FAT2: variants seen among roughly 807,000 people sequenced by gnomAD.
The protein encoded by FAT2 is protocadherin Fat 2.
A neutral mutation model predicts 295.3 loss-of-function variants in FAT2; 150 were observed. The ratio of observed to expected loss-of-function variants is 0.51; its 90% CI spans 0.44 to 0.58. The LOEUF (loss-of-function observed/expected upper bound fraction) is 0.58. FAT2 is among the 20% of genes least tolerant of loss of function. The pLI is 0.00. For synonymous variants in FAT2, 2,026 were observed against 2,150.3 expected (o/e 0.94, Z 1.60); for missense variants, 4,868 against 5,442.7 (o/e 0.89, Z 3.32).
At chr5:151,527,868 G>C in intron 16 of FAT2, 128 bp downstream of exon 16, 1 of 1,265,314 alleles carries the variant, frequency 7.9e-7, no homozygotes. Flanking sequence ...AAACAAGTGA[G>C]AGACATTCTG....
rs574532520 is a variant in FAT2, at chr5:151,566,798, G to A, written c.2134C>T (p.Pro712Ser). ...LSTYQINHYTPQFEDHFPQSI... is the reference protein window; with the variant it reads ...LSTYQINHYTSQFEDHFPQSI... ...TGGGGGAAGTGGTCCTCAAACTGTGGGGTGTAATGATTAATCTGATATGTG... is the reference window on the plus strand; with the variant it reads ...TGGGGGAAGTGGTCCTCAAACTGTGAGGTGTAATGATTAATCTGATATGTG... Residue 712 changes from proline to serine, a missense_variant, in exon 2 of 24, where the codon CCA becomes TCA. This residue lies in a region of FAT2 where 3,297 missense variants were observed against 3,669.4 expected (regional missense o/e 0.90). Coordinates refer to ENST00000261800, the MANE Select transcript of FAT2 (RefSeq NM_001447.3). 6.8e-6 allele frequency: 11 copies of A among 1,614,178 alleles called. No homozygotes were observed. The East Asian group carries it at 1.6e-4, about 23-fold the overall frequency.
In FAT2 at chr5:151,568,326, C is replaced by G; in HGVS notation, c.606G>C (p.Val202=). The change falls in exon 2 of 24, where the codon GTG becomes GTC. Residue 202 remains valine, a synonymous_variant. Transcript: ENST00000261800. ...CGTTAAGCTTCCCAGCCACAGTGAC[C>G]ACACCGCTGGTGGGATGGATGGCAA... ...EMFAIHPTSG[V]VTVAGKLNVT... 1.2e-6 allele frequency: 2 copies of G among 1,614,190 alleles called. No homozygotes were observed. Among genetic ancestry groups the G allele is most frequent in the Non-Finnish European group, 1.7e-6 (2 of 1,180,014 alleles).
intron 1 of FAT2, among the ~76,000 whole-genome samples, chr5:151,584,331 C>G (rs758980932): frequency 6.6e-6 from 1 of 152,132 alleles, no homozygotes; most frequent in Non-Finnish European, 1.5e-5. Flanking sequence ...CACAGGGTTC[C>G]CAGGCTTAGC....
Position 151,543,872 on chromosome 5 carries a change from G to C in FAT2, c.7255C>G (p.Leu2419Val). ...AAGTGCCTGTCCTGATTGCCAGAAA[G>C]AATCAGGTACTCCAGGCGGGAGGTG... ...RDTSRLEYLI[L>V]SGNQDRHFFI... Residue 2419 changes from leucine to valine, a missense_variant, in exon 10 of 24, where the codon CTT (leucine) becomes GTT (valine). Transcript: ENST00000261800. 6.2e-7 allele frequency: 1 copy of C among 1,614,178 alleles called. No homozygotes were observed. Among genetic ancestry groups the C allele is most frequent in the Non-Finnish European group, 8.5e-7 (1 of 1,180,032 alleles).
chr5:151,528,614 T>C (rs1024022453), intron 15 of FAT2, among the ~76,000 whole-genome samples: 2 of 151,902 alleles, frequency 1.3e-5, no homozygotes, highest in Admixed American at 6.6e-5. Context: ...GCAGACGATG[T>C]TTTGGGGAAA....
Position 151,505,591 on chromosome 5 carries a change from C to G in FAT2, c.13024G>C (p.Gly4342Arg). ...TAGAACATGACCTCCTCACAGCTGC[C>G]ATAATCACTCTCCACCATGTCAGAG... ...EGSDMVESDY[G>R]SCEEVMF The change falls in exon 24 of 24, where the codon GGC becomes CGC. Residue 4342 changes from glycine to arginine, a missense_variant. By Grantham distance (125) the Gly-to-Arg change is moderately radical. This residue lies in a region of FAT2 where 492 missense variants were observed against 482.6 expected (regional missense o/e 1.02). Coordinates refer to ENST00000261800, the MANE Select transcript of FAT2 (RefSeq NM_001447.3). 1.9e-6 allele frequency: 3 copies of G among 1,614,184 alleles called. No individual in the cohort carries two copies. Among genetic ancestry groups the G allele is most frequent in the Non-Finnish European group, 8.5e-7 (1 of 1,180,026 alleles).
chr5:151,561,789 C>T (rs189115537), intron 3 of FAT2, among the ~76,000 whole-genome samples: 9 of 152,238 alleles, frequency 5.9e-5, no homozygotes, highest in African/African-American at 7.2e-5. Flanking sequence ...GGGCTGGGGG[C>T]GCATTGGTGA....
intron 9 of FAT2, among the ~76,000 whole-genome samples, chr5:151,547,383 A>G (rs1034960536): frequency 1.3e-5 from 2 of 152,314 alleles, no homozygotes; most frequent in African/African-American, 4.8e-5. Context: ...TGCTTTCTCC[A>G]TGCCCAATAA....
chr5:151,567,169 G>C lies in FAT2; in HGVS notation c.1763C>G (p.Ala588Gly), dbSNP rs2127647425. The C allele has an allele frequency of 6.2e-7, 1 of 1,614,120 alleles. No homozygotes were observed. Among genetic ancestry groups the C allele is most frequent in the Non-Finnish European group, 8.5e-7 (1 of 1,179,994 alleles). The part of the protein sequence containing the change: ...PVGKSIMTMS[A>G]IDVDELQNLK... The stretch of plus-strand genomic sequence containing the variant: ...GTTCTGAAGCTCATCCACATCTATG[G>C]CTGACATAGTCATTATCGATTTCCC... The change falls in exon 2 of 24, where the codon GCC becomes GGC. Residue 588 changes from alanine to glycine, a missense_variant. Physicochemically the swap from Ala to Gly is moderately conservative, Grantham distance 60. Transcript: ENST00000261800.
In FAT2 at chr5:151,554,512, C is replaced by A. The variant is rs2127630933; in HGVS notation, c.3795G>T (p.Arg1265Ser). 6.2e-7 allele frequency: 1 copy of A among 1,614,210 alleles called. No homozygotes were observed. Among genetic ancestry groups the A allele is most frequent in the East Asian group, 2.2e-5 (1 of 44,884 alleles). The part of the protein sequence containing the change: ...LSPVSPGPVY[R>S]LVASDLDEGL... ...CCTCATCCAGGTCTGAAGCCACCAGCCTGTACACAGGCCCAGGGGACACAG... is the reference window on the plus strand; with the variant it reads ...CCTCATCCAGGTCTGAAGCCACCAGACTGTACACAGGCCCAGGGGACACAG... The change falls in exon 5 of 24, where the codon AGG becomes AGT. Residue 1265 changes from arginine (R) to serine (S), a missense_variant. Physicochemically the swap from Arg to Ser is moderately radical, Grantham distance 110 (BLOSUM62 -1). Around this residue, in one of 5 missense-constraint regions of FAT2, gnomAD observed 3,297 missense variants for 3,669.4 expected, o/e 0.90. Coordinates refer to ENST00000261800, the MANE Select transcript of FAT2 (RefSeq NM_001447.3).
chr5:151,539,137 G>A (rs1755836139), intron 11 of FAT2, among the ~76,000 whole-genome samples: 1 of 152,094 alleles, frequency 6.6e-6, no homozygotes, highest in Non-Finnish European at 1.5e-5. Flanking sequence ...GAAGGAAGGT[G>A]ACCACCATTC....
In FAT2 at chr5:151,567,556, T is replaced by C. The variant is rs1363914536; in HGVS notation, c.1376A>G (p.Asn459Ser). Residue 459 changes from asparagine (N) to serine (S), a missense_variant, in exon 2 of 24, where the codon AAC (asparagine) becomes AGC (serine). This residue lies in a region of FAT2 where 3,297 missense variants were observed against 3,669.4 expected (regional missense o/e 0.90). Transcript: ENST00000261800. ...CAAGGTACCATCATAGGAAGACCTG[T>C]TGAAGAGGGGGGCATGGTTGTTGCA... ...VDCNNHAPLF[N>S]RSSYDGTLDE... 1.9e-6 allele frequency: 3 copies of C among 1,614,060 alleles called. No homozygotes were observed. In the African/African-American group the frequency reaches 4.0e-5, roughly 22 times the overall value.
At chr5:151,547,882 G>T (rs905325135) in intron 9 of FAT2, among the ~76,000 whole-genome samples, 13 of 152,126 alleles carry the variant, frequency 8.5e-5, no homozygotes, top group African/African-American at 2.9e-4. Flanking sequence ...GAAAATGATG[G>T]TTATGTGTTG....
intron 1 of FAT2, among the ~76,000 whole-genome samples, chr5:151,588,086 C>T (rs1341983946): frequency 6.6e-6 from 1 of 152,142 alleles, no homozygotes; most frequent in African/African-American, 2.4e-5. Flanking sequence ...TTACAGCTAT[C>T]TGTTGACTCA....
At chr5:151,529,477 G>A in intron 14 of FAT2, 85 bp from the exon 15 acceptor site, 1 of 1,176,798 alleles carries the variant, frequency 8.5e-7, no homozygotes, top group Non-Finnish European at 1.3e-6. Flanking sequence ...AGCCCTAGGA[G>A]AGGCAGCTCA....
chr5:151,556,424 A>G (rs773985204), intron 3 of FAT2, 22 bp from the exon 4 acceptor site: 42 of 1,598,284 alleles, frequency 2.6e-5, no homozygotes, highest in Non-Finnish European at 3.6e-5. Flanking sequence ...ATGATAAGGG[A>G]GAGACATGAG....
chr5:151,565,007 G>A (rs1758184126), intron 2 of FAT2, among the ~76,000 whole-genome samples: 1 of 152,124 alleles, frequency 6.6e-6, no homozygotes, highest in African/African-American at 2.4e-5. Flanking sequence ...CTCGGGGGAC[G>A]GAGGTTGCAA....
rs1335029012 is a variant in FAT2 at position 151,568,028 on chromosome 5, C to A, written c.904G>T (p.Ala302Ser). 6.2e-7 allele frequency: 1 copy of A among 1,614,194 alleles called. No individual in the cohort carries two copies. Among genetic ancestry groups the A allele is most frequent in the Non-Finnish European group, 8.5e-7 (1 of 1,180,032 alleles). ...TTGCTCCGGGCATAAGACTTGATGG[C>A]TTTGAAGTGCTTTCCAGGGTCACCA... Reference protein sequence around the residue: ...VGGDPGKHFKAIKSYARSNEF... With the variant: ...VGGDPGKHFKSIKSYARSNEF... The change falls in exon 2 of 24, where the codon GCC (alanine) becomes TCC (serine). Residue 302 changes from alanine (A) to serine (S), a missense_variant. Transcript: ENST00000261800.
chr5:151,532,079 C>T (rs1475205258), intron 13 of FAT2, 109 bp from the exon 14 acceptor site: 10 of 1,423,510 alleles, frequency 7.0e-6, no homozygotes, highest in East Asian at 4.6e-5. Flanking sequence ...CCCATGAAGG[C>T]GGACAAGCTG....
Sources: gnomAD v4.1 joint callset for allele counts (sites outside exome capture counted in the v4.1 genomes callset) on GRCh38, gnomAD v4.1.1 for gene constraint, gnomAD v4.1.1 regional missense constraint, MANE v1.5 for transcripts, NCBI Gene and HGNC (gene_info 2026-07-23, HGNC 2026-07-21) for gene names.